The following GHRHR variants were observed in gnomAD, a reference collection of about 807,000 sequenced individuals.
GHRHR encodes the protein growth hormone-releasing hormone receptor.
GHRHR carries 40 observed loss-of-function variants against 58.3 expected under a neutral mutation model. That is an observed-to-expected ratio of 0.69 (90% CI 0.53 to 0.89). The LOEUF is 0.89. Among genes scored for constraint, GHRHR ranks in the 40% least tolerant of loss-of-function variants. The probability of loss-of-function intolerance (pLI) is 0.00; values close to 1 mark genes in which losing one functional copy is unlikely to be tolerated. For missense variants in GHRHR, 551 were observed against 541.3 expected (o/e 1.02, Z -0.18); for synonymous variants, 249 against 216.6 (o/e 1.15, Z -1.31).
At chr7:30,974,211 G>GC in intron 7 of GHRHR, 73 bp downstream of exon 7, 2 of 1,467,360 alleles carry the variant, frequency 1.4e-6, no homozygotes, top group Non-Finnish European at 1.9e-6. Context: ...TTACATAAAG[G>GC]CCCCTCCACC....
intron 3 of GHRHR, 136 bp from the exon 4 acceptor site, chr7:30,969,731 G>A: frequency 7.0e-6 from 6 of 856,684 alleles, no homozygotes; most frequent in Non-Finnish European, 1.0e-5. Context: ...CCAGGCCTCT[G>A]GAGCCACCCT....
rs1050555830 is a variant in GHRHR, at chr7:30,963,979, G to A, written c.-90G>A. 3.9e-5 allele frequency: 47 copies of A among 1,199,430 alleles called. No individual in the cohort carries two copies. Among genetic ancestry groups the A allele is most frequent in the Middle Eastern group, 1.9e-4 (1 of 5,366 alleles). The allele number at this position is 1,199,430 out of a possible 1,614,324, so 74.3% of individuals were successfully genotyped here. A position where few individuals can be genotyped will look rare whatever the true frequency, so the allele number is the denominator to read the frequency against. On this transcript the variant is annotated 5_prime_UTR_variant, in exon 1 of 13. Transcript: ENST00000326139. ...CCTGAGAAGGGGAAGCAGAGGGTGCGGTGGAAACGGCTGTGTCAGGGGACA... is the reference window on the plus strand; with the variant it reads ...CCTGAGAAGGGGAAGCAGAGGGTGCAGTGGAAACGGCTGTGTCAGGGGACA...
chr7:30,974,059 C>T lies in GHRHR; in HGVS notation c.672C>T (p.Ala224=), dbSNP rs376278130. The T allele has an allele frequency of 9.3e-6, 15 of 1,614,060 alleles. No individual in the cohort carries two copies. In the East Asian group the frequency reaches 1.3e-4, roughly 14 times the overall value. ...ACTTCAGCTGGCTGTTGGCAGAAGC[C>T]GTCTACCTGAACTGCCTCCTGGCCT... The part of the protein sequence containing the change: ...MTNFSWLLAE[A]VYLNCLLAST... Residue 224 remains alanine, a synonymous_variant, in exon 7 of 13, where the codon GCC becomes GCT. Coordinates refer to ENST00000326139, the MANE Select transcript of GHRHR (RefSeq NM_000823.4).
chr7:30,969,055 C>A lies in GHRHR; in HGVS notation c.161-8C>A. 1.9e-6 allele frequency: 3 copies of A among 1,573,982 alleles called. No homozygotes were observed. The highest frequency in any genetic ancestry group is 1.3e-5 in the African/African-American group (1 of 74,442). On this transcript the variant is annotated splice_region_variant and splice_polypyrimidine_tract_variant and intron_variant, in intron 2 of 12. Transcript: ENST00000326139. Reference sequence around the variant, plus strand: ...CTGAGTCTCTGCTGCTCCTGGCTCTCTATCCAGGCTGCCCTGCGACCTGGG... The same window carrying A: ...CTGAGTCTCTGCTGCTCCTGGCTCTATATCCAGGCTGCCCTGCGACCTGGG...
chr7:30,975,184 G>A, intron 9 of GHRHR, 144 bp downstream of exon 9: 1 of 722,434 alleles, frequency 1.4e-6, no homozygotes, highest in Non-Finnish European at 2.6e-6. Context: ...GATTCTCTGT[G>A]AGGCCCTCTC....
At position 30,976,436 on chromosome 7, in the gene GHRHR, T is replaced by C; in HGVS notation, c.982T>C (p.Ser328Pro). ...LHTQSQYWRL[S>P]KSTLFLIPLF... ...GATTTGTCTTTCCTGCAGGCGTCTC[T>C]CCAAGTCGACACTTTTCCTGATCCC... The change falls in exon 11 of 13, where the codon TCC (serine) becomes CCC (proline). Residue 328 changes from serine to proline, a missense_variant. Coordinates refer to ENST00000326139, the MANE Select transcript of GHRHR (RefSeq NM_000823.4). 1 of 1,613,534 alleles carries C rather than the reference T, an allele frequency of 6.2e-7. No individual in the cohort carries two copies. The highest frequency in any genetic ancestry group is 1.7e-5 in the Admixed American group (1 of 60,016).
At chr7:30,967,048 C>T (rs533183790) in intron 1 of GHRHR, among the ~76,000 whole-genome samples, 2 of 152,324 alleles carry the variant, frequency 1.3e-5, no homozygotes, top group South Asian at 4.1e-4. Flanking sequence ...CAGACATCTA[C>T]ACTGGTTGAC....
At chr7:30,967,365 G>T (rs1475815484) in intron 1 of GHRHR, among the ~76,000 whole-genome samples, 2 of 152,168 alleles carry the variant, frequency 1.3e-5, no homozygotes, top group Non-Finnish European at 2.9e-5. Context: ...ACTTTCAGAA[G>T]TACTGCTAGA....
chr7:30,971,900 C>T, intron 5 of GHRHR, 63 bp from the exon 6 acceptor site: 2 of 1,521,780 alleles, frequency 1.3e-6, no homozygotes, highest in Admixed American at 1.7e-5. Flanking sequence ...AGCCCAGTTG[C>T]AGCACACCAG....
rs557575690 is a variant in GHRHR, at chr7:30,973,540, G to A, written c.598-445G>A. On this transcript the variant is annotated intron_variant, in intron 6 of 12. Coordinates refer to ENST00000326139, the MANE Select transcript of GHRHR (RefSeq NM_000823.4). ...GGTGATCAAGTCATGCAGTGAGTGA[G>A]TGAATGCACGGGTGCCTGTGTGTGT... 2.0e-5 allele frequency among the ~76,000 whole-genome samples: 3 copies of A among 152,272 alleles called. No individual in the cohort carries two copies. The South Asian group carries it at 6.2e-4, about 32-fold the overall frequency.
chr7:30,974,206 T>C (rs1792532846), intron 7 of GHRHR, 68 bp downstream of exon 7: 1 of 1,489,262 alleles, frequency 6.7e-7, no homozygotes, highest in South Asian at 1.1e-5. Context: ...GGAGTTTACA[T>C]AAAGGCCCCT....
In GHRHR at chr7:30,975,850, A is replaced by T; in HGVS notation, c.956A>T (p.His319Leu). Residue 319 changes from histidine to leucine, a missense_variant, in exon 10 of 13, where the codon CAT becomes CTT. Physicochemically the swap from His to Leu is moderately conservative, Grantham distance 99 (BLOSUM62 -3). Coordinates refer to ENST00000326139, the MANE Select transcript of GHRHR (RefSeq NM_000823.4). The stretch of plus-strand genomic sequence containing the variant: ...CTGGAGCCAGCTCAGGGCAGCCTCC[A>T]TACCCAGTCTCAGTATTGGTACTGT... The part of the protein sequence containing the change: ...RKLEPAQGSL[H>L]TQSQYWRLSK... 6.2e-7 allele frequency: 1 copy of T among 1,600,324 alleles called. No homozygotes were observed. Among genetic ancestry groups the T allele is most frequent in the Non-Finnish European group, 8.6e-7 (1 of 1,167,398 alleles).
rs146204317 is a variant in GHRHR, at chr7:30,972,544, G to A, written c.597+449G>A. Among the ~76,000 whole-genome samples the A allele has an allele frequency of 6.6e-4, 101 of 152,254 alleles. 1 individual carries two copies. Among genetic ancestry groups the A allele is most frequent in the African/African-American group, 2.2e-3 (91 of 41,550 alleles). Reference sequence around the variant, plus strand: ...GCTGAGAGCTAGGAGAGAACGAGAGGGGGCTTCAGGGAGGAGAGGACCCTG... The same window carrying A: ...GCTGAGAGCTAGGAGAGAACGAGAGAGGGCTTCAGGGAGGAGAGGACCCTG... On this transcript the variant is annotated intron_variant, in intron 6 of 12. Transcript: ENST00000326139.
chr7:30,977,106 A>G lies in GHRHR; in HGVS notation c.1105-175A>G, dbSNP rs573875895. On this transcript the variant is annotated intron_variant, in intron 11 of 12. Transcript: ENST00000326139. The stretch of plus-strand genomic sequence containing the variant: ...CTGGCAGGCTTGCTATGACAATTCT[A>G]TGACAATATGCCTGGCACATAGTAA... 2.6e-5 allele frequency among the ~76,000 whole-genome samples: 4 copies of G among 152,362 alleles called. 1 individual carries two copies. In the South Asian group the frequency reaches 8.3e-4, roughly 32 times the overall value.
chr7:30,968,908 A>C lies in GHRHR; in HGVS notation c.132A>C (p.Ala44=), dbSNP rs1461337856. ...AGGATGAGAGTGCCTGTCTACAAGC[A>C]GCAGAGGAGATGCCCAACACCACCC... ...LREDESACLQ[A]AEEMPNTTLG... Residue 44 remains alanine (A), a synonymous_variant, in exon 2 of 13, where the codon GCA becomes GCC. Coordinates refer to ENST00000326139, the MANE Select transcript of GHRHR (RefSeq NM_000823.4). 1.2e-6 allele frequency: 2 copies of C among 1,613,768 alleles called. No individual in the cohort carries two copies. The highest frequency in any genetic ancestry group is 1.7e-6 in the Non-Finnish European group (2 of 1,179,718).
At chr7:30,964,216 T>G in intron 1 of GHRHR, 91 bp downstream of exon 1, 1 of 1,157,444 alleles carries the variant, frequency 8.6e-7, no homozygotes, top group South Asian at 1.3e-5. Context: ...GAGACCCTAC[T>G]GCCCTTCTCC....
intron 4 of GHRHR, among the ~76,000 whole-genome samples, chr7:30,970,481 C>T (rs180760013): frequency 1.3e-5 from 2 of 152,230 alleles, no homozygotes; most frequent in Admixed American, 1.3e-4. Context: ...ATTTCTCTGT[C>T]CCCTTGATCT....
At chr7:30,970,920 G>A (rs573876000) in intron 4 of GHRHR, 199 bp from the exon 5 acceptor site, 116 of 642,002 alleles carry the variant, frequency 1.8e-4, no homozygotes, top group African/African-American at 1.5e-3. Flanking sequence ...TCCCTCACCC[G>A]CAGGTCAGGT....
intron 12 of GHRHR, among the ~76,000 whole-genome samples, chr7:30,978,119 C>A (rs1458859165): frequency 6.6e-6 from 1 of 152,232 alleles, no homozygotes; most frequent in African/African-American, 2.4e-5. Flanking sequence ...GAGTTGGCTG[C>A]AGATGCCCTG....
Sources: allele counts gnomAD v4.1 joint callset (sites outside exome capture counted in the v4.1 genomes callset), GRCh38; gene constraint gnomAD v4.1.1; transcripts MANE v1.5; gene names NCBI Gene and HGNC (gene_info 2026-07-23, HGNC 2026-07-21).